The following CDH26 variants were observed in gnomAD, a reference collection of about 807,000 sequenced individuals.
CDH26 encodes the protein cadherin-like protein 26.
A neutral mutation model predicts 90.3 loss-of-function variants in CDH26; 83 were observed. That is an observed-to-expected ratio of 0.92 (90% CI 0.77 to 1.10). CDH26 has a LOEUF of 1.10. CDH26 is among the 50% of genes least tolerant of loss of function. The pLI is 0.00. For synonymous variants in CDH26, 397 were observed against 396.3 expected, an observed-to-expected ratio of 1.00 and a Z score of -0.02; for missense variants, 1,013 against 1,037.6, an observed-to-expected ratio of 0.98 and a Z score of 0.33.
At chr20:60,022,603 G>T (rs1009652688) in intron 7 of CDH26, among the ~76,000 whole-genome samples, 2 of 152,186 alleles carry the variant, frequency 1.3e-5, no homozygotes, top group African/African-American at 4.8e-5. Flanking sequence ...CCTCAAAGAT[G>T]ACCTGTGGCA....
At position 60,023,110 on chromosome 20, in the gene CDH26, G is replaced by A. The variant is rs2061970713; in HGVS notation, c.948-8121G>A. On this transcript the variant is annotated intron_variant, in intron 7 of 8. Coordinates refer to the CDH26 transcript ENST00000370991. Reference sequence around the variant, plus strand: ...CTACTGGCTGGAATTAGAATGTGATGGCTGGAGGTGGGGCAGCCATTCTGG... The same window carrying A: ...CTACTGGCTGGAATTAGAATGTGATAGCTGGAGGTGGGGCAGCCATTCTGG... Among the ~76,000 whole-genome samples, 5 of 152,222 alleles carry A rather than the reference G, an allele frequency of 3.3e-5. No homozygotes were observed. The South Asian group carries it at 1.0e-3, about 32-fold the overall frequency.
rs768471837 is a variant in CDH26 at position 60,031,385 on chromosome 20, G to C, written c.1103G>C (p.Arg368Pro). 3 of 1,237,812 alleles carry C rather than the reference G, an allele frequency of 2.4e-6. No individual in the cohort carries two copies. In the African/African-American group the frequency reaches 4.8e-5, roughly 20 times the overall value. The allele number at this position is 1,237,812 out of a possible 1,614,324, so 76.7% of individuals were successfully genotyped here. A position where few individuals can be genotyped will look rare whatever the true frequency, so the allele number is the denominator to read the frequency against. Residue 368 changes from arginine to proline, a missense_variant, in exon 8 of 9, where the codon CGA (arginine) becomes CCA (proline). Transcript: ENST00000370991. ...AAACGGAAACACGGGGCTTTGGCTC[G>C]AACACCCTCTTTCAAGAAAGTTGTT... is the stretch of plus-strand genomic sequence containing the variant.
At chr20:59,968,936 TC>T in intron 1 of CDH26, 30 bp from the exon 2 acceptor site, 1 of 1,201,448 alleles carries the variant, frequency 8.3e-7, no homozygotes, top group Non-Finnish European at 1.2e-6. Context: ...AAGAATATTC[TC>T]TACTAATTAA....
Position 59,992,633 on chromosome 20 carries a change from G to T in CDH26, c.1426+113G>T, listed in dbSNP as rs980076275. On this transcript the variant is annotated intron_variant, in intron 10 of 17. Transcript: ENST00000348616. This position sits in a 1 kb window ranked among gnomAD's most constrained non-coding sequence, Gnocchi z 5.0. ...CAGAGAAAAGGATAAAATAAACCTT[G>T]TTATCACTCTGCATCCATGCTGGTG... is the stretch of plus-strand genomic sequence containing the variant. The T allele has an allele frequency of 1.9e-6, 2 of 1,053,904 alleles. No individual in the cohort carries two copies. The highest frequency in any genetic ancestry group is 4.3e-5 in the Admixed American group (2 of 46,110). 65.3% of individuals were successfully genotyped at this position (1,053,904 alleles called of 1,614,324 possible).
chr20:60,029,655 G>T, intron 7 of CDH26, among the ~76,000 whole-genome samples: 1 of 151,794 alleles, frequency 6.6e-6, no homozygotes, highest in Non-Finnish European at 1.5e-5. Flanking sequence ...CCCGCAACAG[G>T]CCCCAGTGTG....
intron 12 of CDH26, 188 bp downstream of exon 12, chr20:59,996,242 C>A: frequency 1.9e-6 from 2 of 1,039,780 alleles, no homozygotes; most frequent in Non-Finnish European, 2.7e-6. Flanking sequence ...AGGCAAGATC[C>A]CTGGCCAGCA....
intron 17 of CDH26, among the ~76,000 whole-genome samples, chr20:60,012,283 C>T (rs943114707): frequency 2.0e-5 from 3 of 152,036 alleles, no homozygotes; most frequent in African/African-American, 7.2e-5. Context: ...CTCCTGGGGG[C>T]TCCTGTCATA....
chr20:59,990,209 G>C (rs1217700461), intron 9 of CDH26, among the ~76,000 whole-genome samples: 2 of 152,218 alleles, frequency 1.3e-5, no homozygotes, highest in African/African-American at 4.8e-5. Context: ...TTCTGATGCT[G>C]AATATGCATA....
At chr20:59,969,667 A>C (rs994105891) in intron 2 of CDH26, among the ~76,000 whole-genome samples, 1 of 152,250 alleles carries the variant, frequency 6.6e-6, no homozygotes, top group African/African-American at 2.4e-5. Context: ...AGGGATAGTC[A>C]TAGACAGAGA....
rs1179470677 is a variant in CDH26 at position 59,971,922 on chromosome 20, C to T, written c.232-40C>T. 3.9e-6 allele frequency: 6 copies of T among 1,555,060 alleles called. 1 individual carries two copies. The highest frequency in any genetic ancestry group is 3.4e-5 in the South Asian group (3 of 87,506). On this transcript the variant is annotated intron_variant, in intron 3 of 17. Coordinates refer to ENST00000348616, the MANE Select transcript of CDH26 (RefSeq NM_177980.4). ...CTTGATTATCATAGTGGCTTATTCT[C>T]ATCCTCCTTTTTTCTTCTTTCCATT... is the stretch of plus-strand genomic sequence containing the variant.
downstream of CDH26, among the ~76,000 whole-genome samples, chr20:60,035,295 G>A (rs931892074): frequency 6.6e-6 from 1 of 152,132 alleles, no homozygotes; most frequent in African/African-American, 2.4e-5. Flanking sequence ...ATATTGTTAG[G>A]ATACAGTCCT....
chr20:59,972,174 A>G (rs372982824), intron 4 of CDH26, 51 bp downstream of exon 4: 3 of 1,549,828 alleles, frequency 1.9e-6, no homozygotes, highest in African/African-American at 2.7e-5. Context: ...CTCTTGCAAG[A>G]CTGTTGTATT....
At chr20:60,020,223 A>G (rs1022855642) in intron 7 of CDH26, among the ~76,000 whole-genome samples, 3 of 152,138 alleles carry the variant, frequency 2.0e-5, no homozygotes, top group African/African-American at 4.8e-5. Context: ...ATATGGGGCT[A>G]TTTCTCAGGC....
chr20:60,027,205 A>T (rs1000026614), intron 7 of CDH26, among the ~76,000 whole-genome samples: 1 of 152,120 alleles, frequency 6.6e-6, no homozygotes, highest in Non-Finnish European at 1.5e-5. Context: ...AGGGGCCTCA[A>T]GGTCACTGCT....
intron 13 of CDH26, 62 bp downstream of exon 13, chr20:59,996,823 C>A: frequency 6.3e-7 from 1 of 1,589,898 alleles, no homozygotes; most frequent in Non-Finnish European, 8.6e-7. Context: ...AGACATATAG[C>A]ATGTATTTTT....
At chr20:59,984,319 T>C (rs1601134243) in intron 5 of CDH26, among the ~76,000 whole-genome samples, 1 of 152,272 alleles carries the variant, frequency 6.6e-6, no homozygotes, top group South Asian at 2.1e-4. Context: ...CTGCCTGCCA[T>C]GTATGTTTCA....
intron 12 of CDH26, 191 bp downstream of exon 12, chr20:59,996,245 G>A (rs1038490108): frequency 2.8e-6 from 3 of 1,053,424 alleles, no homozygotes; most frequent in South Asian, 3.5e-5. Flanking sequence ...CAAGATCCCT[G>A]GCCAGCAAAA....
intron 4 of CDH26, among the ~76,000 whole-genome samples, chr20:59,972,943 A>G (rs1277485121): frequency 6.6e-6 from 1 of 152,194 alleles, no homozygotes; most frequent in East Asian, 1.9e-4. Context: ...CTAATTTTTA[A>G]ATCGGTGAAA....
chr20:59,987,248 C>T (rs907381222), intron 7 of CDH26, among the ~76,000 whole-genome samples: 21 of 152,180 alleles, frequency 1.4e-4, no homozygotes, highest in Admixed American at 6.5e-5. Flanking sequence ...AACGGATGCA[C>T]CTTCTGCTGT....
Sources: gnomAD v4.1 joint callset for allele counts (sites outside exome capture counted in the v4.1 genomes callset) on GRCh38, gnomAD v4.1.1 for gene constraint, Gnocchi (gnomAD v3.1) non-coding constraint, MANE v1.5 for transcripts, NCBI Gene and HGNC (gene_info 2026-07-23, HGNC 2026-07-21) for gene names.